The following ENTHD1 variants were observed in gnomAD, a reference collection of about 807,000 sequenced individuals.
The protein encoded by ENTHD1 is ENTH domain containing 1.
In ENTHD1, 23 loss-of-function variants were observed where a neutral mutation model predicts 39.1. The ratio of observed to expected loss-of-function variants is 0.59; its 90% CI spans 0.42 to 0.83. The LOEUF (loss-of-function observed/expected upper bound fraction) is 0.83. Ranked by LOEUF, ENTHD1 falls within the 40% of genes least tolerant of loss-of-function variation. The pLI, the probability that ENTHD1 is intolerant of heterozygous loss-of-function variation, is 0.00. For synonymous variants in ENTHD1, 230 were observed against 258.2 expected (o/e 0.89, Z 1.05); for missense variants, 624 against 705.4 (o/e 0.88, Z 1.31).
chr22:39,819,951 G>A lies in ENTHD1; in HGVS notation c.832+1042C>T, dbSNP rs1480697159. Among the ~76,000 whole-genome samples the A allele has an allele frequency of 2.6e-5, 4 of 152,296 alleles. 1 individual carries two copies. The East Asian group carries it at 5.8e-4, about 22-fold the overall frequency. On this transcript the variant is annotated intron_variant, in intron 5 of 6. Coordinates refer to ENST00000325157, the MANE Select transcript of ENTHD1 (RefSeq NM_152512.4). ...ATTTTCCTTAATGCTCTTCTTTCAAGCTTCTGGATCTAAATCTGTTTAAGA... is the reference window on the plus strand; with the variant it reads ...ATTTTCCTTAATGCTCTTCTTTCAAACTTCTGGATCTAAATCTGTTTAAGA...
At chr22:39,802,383 G>C (rs1190824354) in intron 5 of ENTHD1, among the ~76,000 whole-genome samples, 1 of 152,226 alleles carries the variant, frequency 6.6e-6, no homozygotes, top group Non-Finnish European at 1.5e-5. Context: ...ATGGTCAGAT[G>C]CTAATAGTCT....
intron 5 of ENTHD1, among the ~76,000 whole-genome samples, chr22:39,807,860 GGTGT>G (rs139730271): frequency 6.6e-6 from 1 of 151,274 alleles, no homozygotes; most frequent in African/African-American, 2.4e-5. Flanking sequence ...TTGTTTTAGG[GGTGT>G]GTGTGTGTAT....
chr22:39,804,676 G>A (rs1404440166), intron 5 of ENTHD1, among the ~76,000 whole-genome samples: 2 of 152,102 alleles, frequency 1.3e-5, no homozygotes, highest in Non-Finnish European at 2.9e-5. Context: ...ATAACAAGTG[G>A]AGGATTAACA....
intron 5 of ENTHD1, among the ~76,000 whole-genome samples, chr22:39,775,181 T>C (rs1432435736): frequency 1.3e-5 from 2 of 152,220 alleles, no homozygotes; most frequent in Non-Finnish European, 2.9e-5. Flanking sequence ...GACACTTTTA[T>C]AAGCTCTGGA....
At chr22:39,749,071 T>G (rs1353930310) in intron 6 of ENTHD1, among the ~76,000 whole-genome samples, 1 of 152,198 alleles carries the variant, frequency 6.6e-6, no homozygotes, top group African/African-American at 2.4e-5. Context: ...CAGCTTTGAG[T>G]CATAGGCTAC....
chr22:39,861,692 CATA>C (rs2066141604), intron 3 of ENTHD1, 70 bp downstream of exon 3: 2 of 1,203,072 alleles, frequency 1.7e-6, no homozygotes, highest in African/African-American at 1.5e-5. Context: ...AGTACTAAAA[CATA>C]ATATTTTATA....
At chr22:39,760,728 C>T (rs1299295333) in intron 6 of ENTHD1, among the ~76,000 whole-genome samples, 1 of 151,916 alleles carries the variant, frequency 6.6e-6, no homozygotes, top group African/African-American at 2.4e-5. Flanking sequence ...TATATTTTTA[C>T]TATTCCATAT....
rs1335597179 is a variant in ENTHD1, at chr22:39,821,017, C to T, written c.808G>A (p.Glu270Lys). 20 of 1,613,888 alleles carry T rather than the reference C, an allele frequency of 1.2e-5. No homozygotes were observed. Among genetic ancestry groups the T allele is most frequent in the Non-Finnish European group, 1.5e-5 (18 of 1,179,956 alleles). The change falls in exon 5 of 7, where the codon GAA becomes AAA. Residue 270 changes from glutamate to lysine, a missense_variant. By Grantham distance (56) the Glu-to-Lys change is moderately conservative. Coordinates refer to ENST00000325157, the MANE Select transcript of ENTHD1 (RefSeq NM_152512.4). ...SPITCLSEAE[E>K]VCNLSGADAV... is the part of the protein sequence containing the mutation. ...CCTGCACCCGAAAGATTACAAACTT[C>T]TTCTGCTTCTGACAAGCAAGTGATT...
chr22:39,871,999 A>T (rs1029253244), intron 2 of ENTHD1, among the ~76,000 whole-genome samples: 2 of 152,254 alleles, frequency 1.3e-5, no homozygotes, highest in African/African-American at 4.8e-5. Context: ...ACCAACCATG[A>T]GTGCATTGAA....
chr22:39,857,471 A>AAAAAAAAAAAT, intron 3 of ENTHD1, among the ~76,000 whole-genome samples: 1 of 118,574 alleles, frequency 8.4e-6, no homozygotes, highest in Non-Finnish European at 1.8e-5. Context: ...AAAAAAAAAA[A>AAAAAAAAAAAT]GCAATCTGTG....
intron 3 of ENTHD1, among the ~76,000 whole-genome samples, chr22:39,852,689 C>A (rs1215842019): frequency 1.3e-5 from 2 of 152,046 alleles, no homozygotes; most frequent in Non-Finnish European, 2.9e-5. Context: ...AACACAAGGA[C>A]AATTGTAACA....
chr22:39,819,118 G>A (rs1037087093), intron 5 of ENTHD1, among the ~76,000 whole-genome samples: 4 of 152,136 alleles, frequency 2.6e-5, no homozygotes, highest in Admixed American at 6.5e-5. Context: ...TGTGATCCCC[G>A]CACTTTGGGA....
In ENTHD1 at chr22:39,875,883, C is replaced by T. The variant is rs2066285205; in HGVS notation, c.349+11517G>A. On this transcript the variant is annotated intron_variant, in intron 2 of 6. Transcript: ENST00000325157. ...GTTGAATTATCACAGTTGAGGGACC[C>T]ACAGCATGATCTAGATCGAGTAAAG... 3 of 1,613,920 alleles carry T rather than the reference C, an allele frequency of 1.9e-6. No homozygotes were observed. In the South Asian group the frequency reaches 3.3e-5, roughly 18 times the overall value.
chr22:39,789,765 A>G (rs762252331), intron 5 of ENTHD1, among the ~76,000 whole-genome samples: 1 of 152,180 alleles, frequency 6.6e-6, no homozygotes, highest in Non-Finnish European at 1.5e-5. Context: ...AAAAGCAGTT[A>G]GGCAGTGACA....
chr22:39,861,669 A>T (rs1167794352), intron 3 of ENTHD1, 96 bp downstream of exon 3: 1 of 1,012,566 alleles, frequency 9.9e-7, no homozygotes, highest in Admixed American at 3.9e-5. Context: ...ATACTAAATA[A>T]TATTAATAAT....
intron 4 of ENTHD1, among the ~76,000 whole-genome samples, chr22:39,826,994 C>T (rs1214427591): frequency 6.6e-6 from 1 of 151,420 alleles, no homozygotes; most frequent in African/African-American, 2.4e-5. Context: ...ACTATAAGCG[C>T]ATGCCACCAT....
chr22:39,877,903 GA>G (rs1278444672), intron 2 of ENTHD1, among the ~76,000 whole-genome samples: 2 of 151,980 alleles, frequency 1.3e-5, no homozygotes, highest in Non-Finnish European at 2.9e-5. Context: ...CAGCTATCAA[GA>G]AAAAATCATA....
chr22:39,772,592 C>G (rs965969056), intron 5 of ENTHD1, among the ~76,000 whole-genome samples: 3 of 151,990 alleles, frequency 2.0e-5, no homozygotes, highest in African/African-American at 7.3e-5. Flanking sequence ...AACAGAGGAA[C>G]CAAACACCGA....
intron 2 of ENTHD1, chr22:39,875,884 A>G: frequency 2.5e-6 from 4 of 1,614,002 alleles, no homozygotes; most frequent in Middle Eastern, 1.7e-4. Flanking sequence ...TGAGGGACCC[A>G]CAGCATGATC....
Sources: allele counts gnomAD v4.1 joint callset (sites outside exome capture counted in the v4.1 genomes callset), GRCh38; gene constraint gnomAD v4.1.1; transcripts MANE v1.5; gene names NCBI Gene and HGNC (gene_info 2026-07-23, HGNC 2026-07-21).